The following ADGRV1 variants were observed in gnomAD, a reference collection of about 807,000 sequenced individuals.
ADGRV1 encodes G-protein coupled receptor 98.
A neutral mutation model predicts 596.2 loss-of-function variants in ADGRV1; 359 were observed. The ratio of observed to expected loss-of-function variants is 0.60; its 90% CI spans 0.55 to 0.66. The LOEUF is 0.66. Ranked by LOEUF, ADGRV1 falls within the 30% of genes least tolerant of loss-of-function variation. The probability of loss-of-function intolerance (pLI) is 0.00; values close to 1 mark genes in which losing one functional copy is unlikely to be tolerated. For missense variants in ADGRV1, 7,274 were observed against 7,575.6 expected, an observed-to-expected ratio of 0.96 and a Z score of 1.48; for synonymous variants, 2,681 against 2,679.2, an observed-to-expected ratio of 1.00 and a Z score of -0.02.
chr5:90,882,553 C>T (rs1380922407), intron 83 of ADGRV1, among the ~76,000 whole-genome samples: 1 of 152,114 alleles, frequency 6.6e-6, no homozygotes, highest in East Asian at 1.9e-4. Flanking sequence ...TGTGATAATT[C>T]CCACTTTAAA....
intron 85 of ADGRV1, among the ~76,000 whole-genome samples, chr5:91,052,778 A>G (rs1383895637): frequency 6.6e-6 from 1 of 152,114 alleles, no homozygotes; most frequent in Admixed American, 6.5e-5. Context: ...AAAGATGTCT[A>G]TGTCACAGTC....
At chr5:90,611,475 A>G (rs1426377685) in intron 1 of ADGRV1, among the ~76,000 whole-genome samples, 3 of 152,004 alleles carry the variant, frequency 2.0e-5, no homozygotes, top group Non-Finnish European at 4.4e-5. Context: ...GAATCATACA[A>G]AACAAAAGTG....
chr5:90,716,394 A>G (rs1750113214), intron 42 of ADGRV1, 73 bp from the exon 43 acceptor site: 13 of 1,096,866 alleles, frequency 1.2e-5, no homozygotes, highest in Non-Finnish European at 1.5e-5. Flanking sequence ...TTTCAATTAG[A>G]CATCCACACT....
chr5:90,652,608 A>G (rs372934707), intron 19 of ADGRV1, 45 bp downstream of exon 19: 3 of 1,263,166 alleles, frequency 2.4e-6, no homozygotes, highest in South Asian at 1.5e-5. Context: ...TGTCTTATTT[A>G]TACTAAATTT....
Position 90,854,056 on chromosome 5 carries a change from T to C in ADGRV1, c.17455-6T>C, listed in dbSNP as rs773817946. The C allele has an allele frequency of 3.5e-5, 55 of 1,566,328 alleles. No homozygotes were observed. Among genetic ancestry groups the C allele is most frequent in the Non-Finnish European group, 4.7e-5 (54 of 1,148,860 alleles). On this transcript the variant is annotated splice_region_variant and splice_polypyrimidine_tract_variant and intron_variant, in intron 80 of 89. Transcript: ENST00000405460. Reference sequence around the variant, plus strand: ...ATCATTATATGTTCTGTTTTTAACATTCTAGGTATTATCTTTGAGTGTGAA... The same window carrying C: ...ATCATTATATGTTCTGTTTTTAACACTCTAGGTATTATCTTTGAGTGTGAA...
rs201015784 is a variant in ADGRV1, at chr5:90,629,504, G to T, written c.1804G>T (p.Ala602Ser). 2 of 1,612,348 alleles carry T rather than the reference G, an allele frequency of 1.2e-6. No individual in the cohort carries two copies. The highest frequency in any genetic ancestry group is 1.7e-6 in the Non-Finnish European group (2 of 1,179,260). ...VTTKLPIRND[A>S]FLQNGAHFLV... ...TACAAAATTACCAATAAGAAATGAT[G>T]CATTCCTTCAAAATGGAGCTCACTT... Residue 602 changes from alanine to serine, a missense_variant, in exon 9 of 90, where the codon GCA becomes TCA. Ala to Ser is a moderately conservative substitution (Grantham distance 99). Transcript: ENST00000405460.
intron 53 of ADGRV1, among the ~76,000 whole-genome samples, chr5:90,750,958 G>A (rs1211362161): frequency 1.3e-5 from 2 of 152,184 alleles, no homozygotes; most frequent in Admixed American, 6.5e-5. Context: ...TGGCCACATT[G>A]TGGGTGCATT....
At position 90,694,093 on chromosome 5, in the gene ADGRV1, A is replaced by G. The variant is rs767634802; in HGVS notation, c.7337A>G (p.Glu2446Gly). The G allele has an allele frequency of 5.6e-6, 9 of 1,613,756 alleles. No homozygotes were observed. The Admixed American group carries it at 1.2e-4, about 21-fold the overall frequency. The change falls in exon 33 of 90, where the codon GAA becomes GGA. Residue 2446 changes from glutamate to glycine, a missense_variant. Transcript: ENST00000405460. ...ACCTGTGCCACTTTGTGCCTTAAGG[A>G]ACAAGCTTGCTCAGCGTTTTCATTT... ...LYTCATLCLK[E>G]QACSAFSFFS... is the part of the protein sequence containing the mutation.
At chr5:90,958,306 AAAG>A (rs1373366118) in intron 83 of ADGRV1, among the ~76,000 whole-genome samples, 16 of 149,420 alleles carry the variant, frequency 1.1e-4, no homozygotes, top group African/African-American at 3.9e-4. Flanking sequence ...AAAAAAAAGA[AAAG>A]AAAAGAAAAA....
rs184700164 is a variant in ADGRV1, at chr5:91,137,143, T to C, written c.18433-12887T>C. Among the ~76,000 whole-genome samples, 16 of 152,300 alleles carry C rather than the reference T, an allele frequency of 1.1e-4. No individual in the cohort carries two copies. In the East Asian group the frequency reaches 3.1e-3, roughly 29 times the overall value. On this transcript the variant is annotated intron_variant, in intron 87 of 89. Transcript: ENST00000405460. ...TTTTCCCTTTTCTTTTATCCTTTTTTCTTTTCTTTTTTTTTCACTGTGACC... is the reference window on the plus strand; with the variant it reads ...TTTTCCCTTTTCTTTTATCCTTTTTCCTTTTCTTTTTTTTTCACTGTGACC...
chr5:90,745,928 C>T, intron 52 of ADGRV1, 133 bp downstream of exon 52: 1 of 604,700 alleles, frequency 1.7e-6, no homozygotes, highest in Non-Finnish European at 2.9e-6. Context: ...TTTCCCCTGC[C>T]TCCCTTTTAT....
intron 1 of ADGRV1, among the ~76,000 whole-genome samples, chr5:90,594,220 CAT>C (rs1376955943): frequency 2.0e-5 from 3 of 151,822 alleles, no homozygotes; most frequent in Admixed American, 6.6e-5. Flanking sequence ...GTAATCCCCA[CAT>C]GTCATGGGAG....
chr5:91,128,826 G>A (rs1367138921), intron 87 of ADGRV1, among the ~76,000 whole-genome samples: 2 of 152,162 alleles, frequency 1.3e-5, no homozygotes, highest in East Asian at 3.8e-4. Context: ...GGCAAATCAG[G>A]CAGGACAGGA....
chr5:91,002,933 C>G lies in ADGRV1; in HGVS notation c.18152+17411C>G, dbSNP rs17571342. The stretch of plus-strand genomic sequence containing the variant: ...TAGTTACCTACTGTTACCTACATAG[C>G]CTAGTTATCTGATACTTTAAAAACC... On this transcript the variant is annotated intron_variant, in intron 85 of 89. Transcript: ENST00000405460. Among the ~76,000 whole-genome samples the G allele has an allele frequency of 3.7e-3, 559 of 152,242 alleles. 3 individuals are homozygous for G. The highest frequency in any genetic ancestry group is 6.6e-3 in the Non-Finnish European group (451 of 68,002).
intron 83 of ADGRV1, among the ~76,000 whole-genome samples, chr5:90,907,651 A>G (rs55928655): frequency 0.044 from 6,622 of 151,716 alleles, 142 homozygotes; most frequent in Middle Eastern, 0.061. Context: ...CATCCTTCAT[A>G]CCCAACCTCA....
chr5:90,710,890 A>G (rs1315428980), intron 39 of ADGRV1, 91 bp from the exon 40 acceptor site: 4 of 749,700 alleles, frequency 5.3e-6, no homozygotes, highest in Non-Finnish European at 8.9e-6. Flanking sequence ...TATGAATTAT[A>G]TAATTTCAAA....
At chr5:90,718,954 A>G (rs1750534946) in intron 43 of ADGRV1, among the ~76,000 whole-genome samples, 1 of 152,234 alleles carries the variant, frequency 6.6e-6, no homozygotes, top group African/African-American at 2.4e-5. Flanking sequence ...TTTGAGGTAT[A>G]AGTAGTAAAA....
In ADGRV1 at chr5:90,745,066, C is replaced by A. The variant is rs766464017; in HGVS notation, c.10570C>A (p.Gln3524Lys). The A allele has an allele frequency of 6.2e-6, 10 of 1,613,406 alleles. No homozygotes were observed. Among genetic ancestry groups the A allele is most frequent in the African/African-American group, 1.3e-5 (1 of 74,886 alleles). ...TGCAGCCCACATACTTCTTATTGGCCAAGATATGTCTGCTCTTTACTGCTG... is the reference window on the plus strand; with the variant it reads ...TGCAGCCCACATACTTCTTATTGGCAAAGATATGTCTGCTCTTTACTGCTG... The part of the protein sequence containing the change: ...SGIAHILLIG[Q>K]DMSALYCWNS... The change falls in exon 51 of 90, where the codon CAA becomes AAA. Residue 3524 changes from glutamine (Q) to lysine (K), a missense_variant. Gln to Lys is a moderately conservative substitution (Grantham distance 53). Coordinates refer to ENST00000405460, the MANE Select transcript of ADGRV1 (RefSeq NM_032119.4).
intron 84 of ADGRV1, among the ~76,000 whole-genome samples, chr5:90,972,445 G>C (rs370194563): frequency 1.3e-5 from 2 of 152,058 alleles, no homozygotes; most frequent in African/African-American, 2.4e-5. Flanking sequence ...TGACCACATA[G>C]TTGGAAGTAA....
Sources: gnomAD v4.1 joint callset for allele counts (sites outside exome capture counted in the v4.1 genomes callset) on GRCh38, gnomAD v4.1.1 for gene constraint, MANE v1.5 for transcripts, NCBI Gene and HGNC (gene_info 2026-07-23, HGNC 2026-07-21) for gene names.